The following KCNIP4 variants were observed in gnomAD, a reference collection of about 807,000 sequenced individuals.
KCNIP4 encodes Kv channel-interacting protein 4.
A neutral mutation model predicts 34.0 loss-of-function variants in KCNIP4; 12 were observed. The ratio of observed to expected loss-of-function variants is 0.35; its 90% CI spans 0.23 to 0.57. The LOEUF is 0.57. Among genes scored for constraint, KCNIP4 ranks in the 20% least tolerant of loss-of-function variants. The probability of loss-of-function intolerance (pLI) is 0.83; values close to 1 mark genes in which losing one functional copy is unlikely to be tolerated. For synonymous variants in KCNIP4, 124 were observed against 102.2 expected, an observed-to-expected ratio of 1.21 and a Z score of -1.29; for missense variants, 238 against 311.7, an observed-to-expected ratio of 0.76 and a Z score of 1.78.
intron 1 of KCNIP4, among the ~76,000 whole-genome samples, chr4:21,905,412 A>G (rs999802132): frequency 6.6e-5 from 10 of 151,734 alleles, no homozygotes; most frequent in Admixed American, 5.9e-4. Flanking sequence ...TTTTTATTCT[A>G]TTATTATTAT....
intron 1 of KCNIP4, among the ~76,000 whole-genome samples, chr4:20,936,329 T>C (rs1273226285): frequency 6.6e-6 from 1 of 152,064 alleles, no homozygotes; most frequent in Non-Finnish European, 1.5e-5. Flanking sequence ...AACACAACCA[T>C]AGTATAGAAA....
At chr4:21,286,335 T>G (rs1277123831) in intron 1 of KCNIP4, among the ~76,000 whole-genome samples, 2 of 152,182 alleles carry the variant, frequency 1.3e-5, no homozygotes, top group Admixed American at 1.3e-4. Flanking sequence ...AACAATTGGT[T>G]GAGCAGGGGA....
chr4:21,838,272 C>T (rs560612326), intron 1 of KCNIP4, among the ~76,000 whole-genome samples: 51 of 152,238 alleles, frequency 3.4e-4, no homozygotes, highest in African/African-American at 1.2e-3. Flanking sequence ...AAAAAAAGTC[C>T]GGAGGCCAGA....
intron 3 of KCNIP4, among the ~76,000 whole-genome samples, chr4:20,812,761 T>C (rs1318457692): frequency 6.6e-6 from 1 of 152,064 alleles, no homozygotes; most frequent in African/African-American, 2.4e-5. Context: ...CTTGATAGTA[T>C]AAAGGCATAA....
At chr4:21,809,031 G>A (rs1424378043) in intron 1 of KCNIP4, among the ~76,000 whole-genome samples, 1 of 152,196 alleles carries the variant, frequency 6.6e-6, no homozygotes, top group African/African-American at 2.4e-5. Flanking sequence ...AGCATTTTGT[G>A]ATGGTTAATT....
chr4:21,148,176 T>C (rs937492867), intron 1 of KCNIP4, among the ~76,000 whole-genome samples: 21 of 152,160 alleles, frequency 1.4e-4, no homozygotes, highest in African/African-American at 3.9e-4. Context: ...CTTAAATCTA[T>C]GACAATGTTC....
At chr4:21,745,714 T>C (rs1012523333) in intron 1 of KCNIP4, among the ~76,000 whole-genome samples, 4 of 152,074 alleles carry the variant, frequency 2.6e-5, no homozygotes, top group African/African-American at 9.7e-5. Flanking sequence ...CAGGAAAAGA[T>C]GAATAATTGT....
At chr4:21,089,834 A>T (rs1209843415) in intron 1 of KCNIP4, among the ~76,000 whole-genome samples, 1 of 152,114 alleles carries the variant, frequency 6.6e-6, no homozygotes, top group Non-Finnish European at 1.5e-5. Flanking sequence ...TTCACAATAC[A>T]AACCTGATCA....
At chr4:21,540,715 A>G (rs914308894) in intron 1 of KCNIP4, among the ~76,000 whole-genome samples, 3 of 152,192 alleles carry the variant, frequency 2.0e-5, no homozygotes, top group African/African-American at 7.2e-5. Flanking sequence ...AACGTTTTTG[A>G]CTACAGATCT....
intron 1 of KCNIP4, among the ~76,000 whole-genome samples, chr4:21,788,409 C>T (rs906019649): frequency 1.3e-5 from 2 of 152,158 alleles, no homozygotes; most frequent in African/African-American, 4.8e-5. Flanking sequence ...AACAAATGTT[C>T]TAATCAATTA....
intron 1 of KCNIP4, among the ~76,000 whole-genome samples, chr4:21,181,176 C>T (rs1001042050): frequency 2.6e-5 from 4 of 152,102 alleles, no homozygotes; most frequent in Admixed American, 2.0e-4. Context: ...AGCATAAAGA[C>T]ATTTAAGCTG....
intron 1 of KCNIP4, among the ~76,000 whole-genome samples, chr4:20,908,183 TC>T (rs201675978): frequency 0.027 from 4,067 of 151,190 alleles, 64 homozygotes; most frequent in Non-Finnish European, 0.038. Context: ...CACTGCAACT[TC>T]CGCCTGCTGG....
intron 1 of KCNIP4, among the ~76,000 whole-genome samples, chr4:21,528,779 GGAAGA>G (rs1736350563): frequency 1.4e-4 from 2 of 14,398 alleles, no homozygotes; most frequent in African/African-American, 5.8e-4. Flanking sequence ...AAGAAAGAAA[GGAAGA>G]AAGGAAGAAA....
chr4:21,440,339 C>T (rs1322747463), intron 1 of KCNIP4, among the ~76,000 whole-genome samples: 1 of 152,192 alleles, frequency 6.6e-6, no homozygotes, highest in Non-Finnish European at 1.5e-5. Flanking sequence ...AAGTACAGAT[C>T]AATACTCCTA....
At chr4:20,922,513 G>GTGAC (rs1309443391) in intron 1 of KCNIP4, among the ~76,000 whole-genome samples, 3 of 109,098 alleles carry the variant, frequency 2.7e-5, no homozygotes, top group Non-Finnish European at 4.2e-5. Flanking sequence ...TCATAATAGT[G>GTGAC]TGACTGTCTG....
intron 1 of KCNIP4, among the ~76,000 whole-genome samples, chr4:21,818,165 T>C (rs1002492406): frequency 2.6e-5 from 4 of 152,116 alleles, no homozygotes; most frequent in Non-Finnish European, 5.9e-5. Context: ...AAAATTCCTC[T>C]CTTTATACTG....
At chr4:20,731,946 A>G (rs372116776) in intron 8 of KCNIP4, 60 bp downstream of exon 8, 9 of 1,603,184 alleles carry the variant, frequency 5.6e-6, no homozygotes, top group South Asian at 5.6e-5. Context: ...GCTAGCTGCT[A>G]ATACTCAGTT....
intron 1 of KCNIP4, among the ~76,000 whole-genome samples, chr4:20,975,369 C>T (rs1577468980): frequency 6.6e-6 from 1 of 151,960 alleles, no homozygotes; most frequent in Non-Finnish European, 1.5e-5. Flanking sequence ...TTTGCAAACT[C>T]AATAAAAAGA....
At chr4:20,884,001 C>T (rs752808827) in intron 1 of KCNIP4, among the ~76,000 whole-genome samples, 3 of 152,176 alleles carry the variant, frequency 2.0e-5, no homozygotes, top group Admixed American at 6.5e-5. Flanking sequence ...CCACTATTGG[C>T]CACACTACCC....
Sources: allele counts gnomAD v4.1 joint callset (sites outside exome capture counted in the v4.1 genomes callset), GRCh38; gene constraint gnomAD v4.1.1; transcripts MANE v1.5; gene names NCBI Gene and HGNC (gene_info 2026-07-23, HGNC 2026-07-21).